TPRG1: variants seen among roughly 807,000 people sequenced by gnomAD.
TPRG1 encodes tumor protein p63 regulated 1.
In TPRG1, 29 loss-of-function variants were observed where a neutral mutation model predicts 29.3. The observed-to-expected ratio is 0.99, with a 90% confidence interval of 0.74 to 1.35. The LOEUF (loss-of-function observed/expected upper bound fraction) is 1.35. TPRG1 is among the 40% of genes most tolerant of loss of function. TPRG1 has a pLI of 0.00. For missense variants in TPRG1, 327 were observed against 335.0 expected (o/e 0.98, Z 0.19); for synonymous variants, 130 against 116.8 (o/e 1.11, Z -0.73).
rs531148331 is a variant in TPRG1, at chr3:189,223,086, A to T, written c.302+7703A>T. Among the ~76,000 whole-genome samples the T allele has an allele frequency of 1.3e-4, 20 of 152,298 alleles. No homozygotes were observed. In the South Asian group the frequency reaches 4.2e-3, roughly 32 times the overall value. On this transcript the variant is annotated intron_variant, in intron 3 of 5. Transcript: ENST00000345063. ...CTCCTTGAGGCAGGGCCTGATTCTGAGTCACTTATATTCAGCAATCTCAGC... is the reference window on the plus strand; with the variant it reads ...CTCCTTGAGGCAGGGCCTGATTCTGTGTCACTTATATTCAGCAATCTCAGC...
chr3:189,140,689 C>T (rs192378250), intron 3 of TPRG1, among the ~76,000 whole-genome samples: 151 of 152,290 alleles, frequency 9.9e-4, no homozygotes, highest in African/African-American at 3.5e-3. Context: ...CACCTTGAGC[C>T]TTTCCTTTGG....
rs142824520 is a variant in TPRG1, at chr3:189,068,017, T to C, written c.-463+44071T>C. On this transcript the variant is annotated intron_variant, in intron 4 of 10. Transcript: ENST00000433971. ...TTAGAAAATGGACAAAAGATCTGAA[T>C]AGACTTTTCTCAAATGAAGACGTAC... is the stretch of plus-strand genomic sequence containing the variant. Among the ~76,000 whole-genome samples the C allele has an allele frequency of 2.4e-3, 366 of 152,180 alleles. 2 individuals carry two copies. Among genetic ancestry groups the C allele is most frequent in the African/African-American group, 8.3e-3 (343 of 41,520 alleles).
At chr3:189,210,387 G>A (rs2108817781) in intron 2 of TPRG1, among the ~76,000 whole-genome samples, 1 of 152,198 alleles carries the variant, frequency 6.6e-6, no homozygotes, top group East Asian at 1.9e-4. Context: ...ACCTCATCAT[G>A]ACCTTCAGGG....
chr3:189,056,354 C>T (rs575409526), intron 4 of TPRG1, among the ~76,000 whole-genome samples: 9 of 152,216 alleles, frequency 5.9e-5, no homozygotes, highest in African/African-American at 2.4e-5. Flanking sequence ...CCTCTGCCTC[C>T]CAAAGTGTTG....
At chr3:189,215,936 G>A (rs1163620442) in intron 3 of TPRG1, among the ~76,000 whole-genome samples, 2 of 152,092 alleles carry the variant, frequency 1.3e-5, no homozygotes, top group African/African-American at 4.8e-5. Context: ...ATAACTGCCT[G>A]CATTCCCCCC....
intron 5 of TPRG1, 87 bp from the exon 6 acceptor site, chr3:189,320,539 A>T: frequency 5.9e-6 from 7 of 1,187,064 alleles, no homozygotes; most frequent in Non-Finnish European, 8.1e-6. Context: ...AGAGTAGTCA[A>T]CTTCTGTGAA....
chr3:189,241,119 A>G (rs1740509780), intron 4 of TPRG1, among the ~76,000 whole-genome samples: 2 of 152,200 alleles, frequency 1.3e-5, no homozygotes, highest in African/African-American at 4.8e-5. Flanking sequence ...ATGGATTTCT[A>G]GAAGTGGAAT....
intron 4 of TPRG1, among the ~76,000 whole-genome samples, chr3:189,284,384 G>A (rs1038931228): frequency 3.5e-5 from 4 of 115,688 alleles, no homozygotes; most frequent in Middle Eastern, 6.8e-3. Flanking sequence ...GCCCTGGTAC[G>A]TGATGTTCCC....
At chr3:189,046,085 A>T (rs1340264483) in intron 4 of TPRG1, among the ~76,000 whole-genome samples, 3 of 152,226 alleles carry the variant, frequency 2.0e-5, no homozygotes, top group Non-Finnish European at 2.9e-5. Flanking sequence ...AAAGCTCAGC[A>T]GACTTCTAAG....
At chr3:189,020,553 C>G (rs1100314) in intron 3 of TPRG1, among the ~76,000 whole-genome samples, 125,076 of 150,958 alleles carry the variant, frequency 0.83, 54,931 homozygotes, top group Non-Finnish European at 0.97. Context: ...GATTGAGATT[C>G]TTAATCCTGA....
rs142671998 is a variant in TPRG1, at chr3:189,253,765, G to A, written c.479+14856G>A. Among the ~76,000 whole-genome samples the A allele has an allele frequency of 1.4e-4, 21 of 152,238 alleles. No homozygotes were observed. The East Asian group carries it at 3.3e-3, about 24-fold the overall frequency. On this transcript the variant is annotated intron_variant, in intron 4 of 5. Coordinates refer to ENST00000345063, the MANE Select transcript of TPRG1 (RefSeq NM_198485.4). ...CTCCACATCCTCTCCAGCATCTGTC[G>A]TTTCCTAACTTTTTAATGATCACAA... is the stretch of plus-strand genomic sequence containing the variant.
At position 189,320,659 on chromosome 3, in the gene TPRG1, A is replaced by C. The variant is rs764500110; in HGVS notation, c.667A>C (p.Ile223Leu). ...GTTCATGTCTAAGCTTGTTCCAGCT[A>C]TCCAGAATGCCCACAAGAATTCAAC... ...SGFMSKLVPA[I>L]QNAHKNSTGS... is the part of the protein sequence containing the mutation. Residue 223 changes from isoleucine (I) to leucine (L), a missense_variant, in exon 6 of 6, where the codon ATC (isoleucine) becomes CTC (leucine). Transcript: ENST00000345063. 2 of 1,611,770 alleles carry C rather than the reference A, an allele frequency of 1.2e-6. No individual in the cohort carries two copies. The highest frequency in any genetic ancestry group is 1.7e-5 in the Admixed American group (1 of 59,692).
chr3:189,008,154 T>C (rs1192909924), intron 3 of TPRG1, among the ~76,000 whole-genome samples: 1 of 151,476 alleles, frequency 6.6e-6, no homozygotes, highest in African/African-American at 2.4e-5. Context: ...ATAAAAATAA[T>C]GGTCATGTTA....
At chr3:189,157,972 G>A (rs906393109) in intron 5 of TPRG1, among the ~76,000 whole-genome samples, 1 of 152,196 alleles carries the variant, frequency 6.6e-6, no homozygotes, top group Non-Finnish European at 1.5e-5. Flanking sequence ...AGTGCATTTA[G>A]CAAGTGCATC....
intron 4 of TPRG1, among the ~76,000 whole-genome samples, chr3:189,070,419 T>C (rs1263508573): frequency 1.3e-5 from 2 of 148,616 alleles, no homozygotes; most frequent in East Asian, 2.0e-4. Context: ...CACTCATGAA[T>C]GTGCATAAAA....
intron 3 of TPRG1, among the ~76,000 whole-genome samples, chr3:189,227,169 G>GA (rs1007134613): frequency 1.6e-4 from 25 of 151,596 alleles, no homozygotes; most frequent in African/African-American, 5.8e-4. Flanking sequence ...AGAAAAAAAA[G>GA]AAAAAAATTA....
At chr3:189,235,114 C>G (rs1739250766) in intron 3 of TPRG1, among the ~76,000 whole-genome samples, 3 of 152,106 alleles carry the variant, frequency 2.0e-5, no homozygotes, top group Admixed American at 2.0e-4. Context: ...GAGCTTGACC[C>G]TGCAGAAACT....
chr3:189,221,929 G>A (rs934180628), intron 3 of TPRG1, among the ~76,000 whole-genome samples: 4 of 152,092 alleles, frequency 2.6e-5, no homozygotes, highest in African/African-American at 7.2e-5. Context: ...TCTCTCCCAG[G>A]CCAGTTGTCT....
chr3:189,273,602 A>G (rs906592607), intron 4 of TPRG1, among the ~76,000 whole-genome samples: 2 of 152,222 alleles, frequency 1.3e-5, no homozygotes, highest in Admixed American at 1.3e-4. Flanking sequence ...GAATGCAAAT[A>G]GCATCCTGTC....
Sources: allele counts gnomAD v4.1 joint callset (sites outside exome capture counted in the v4.1 genomes callset), GRCh38; gene constraint gnomAD v4.1.1; transcripts MANE v1.5; gene names NCBI Gene and HGNC (gene_info 2026-07-23, HGNC 2026-07-21).